LPA: variants seen among roughly 807,000 people sequenced by gnomAD.
LPA encodes the protein lipoprotein(a).
A neutral mutation model predicts 197.9 loss-of-function variants in LPA; 199 were observed. The observed-to-expected ratio is 1.01, with a 90% CI of 0.90 to 1.13. The LOEUF is 1.13. LPA is among the 50% of genes most tolerant of loss of function. LPA has a pLI of 0.00. For missense variants in LPA, 1,853 were observed against 1,785.8 expected (o/e 1.04, Z -0.68); for synonymous variants, 715 against 639.5 (o/e 1.12, Z -1.78).
chr6:160,603,618 G>C (rs1384729943), intron 18 of LPA, among the ~76,000 whole-genome samples: 1 of 152,068 alleles, frequency 6.6e-6, no homozygotes, highest in East Asian at 1.9e-4. Context: ...TGTATTGACT[G>C]ATTTTTCACC....
Position 160,601,082 on chromosome 6 carries a change from AGTT to A in LPA, c.2959_2961del (p.Asn987del), listed in dbSNP as rs1297527849. On this transcript the variant is annotated inframe_deletion, in exon 19 of 39. Coordinates refer to ENST00000316300, the MANE Select transcript of LPA (RefSeq NM_005577.4). ...GCCACAGGATCTGGATTTCGGCAGT[AGTT>A]CTTGATCAAGCCACTGGAAATTCCA... The A allele has an allele frequency of 1.2e-6, 2 of 1,614,122 alleles. No individual in the cohort carries two copies. The highest frequency in any genetic ancestry group is 3.3e-5 in the Admixed American group (2 of 60,032).
At chr6:160,578,848 C>T in intron 26 of LPA, 144 bp from the exon 27 acceptor site, 1 of 1,241,078 alleles carries the variant, frequency 8.1e-7, no homozygotes, top group South Asian at 1.3e-5. Flanking sequence ...GCCACAAGCA[C>T]AAATGGTCTT....
chr6:160,600,122 A>G (rs538764563), intron 19 of LPA, among the ~76,000 whole-genome samples: 1 of 152,202 alleles, frequency 6.6e-6, no homozygotes, highest in East Asian at 1.9e-4. Context: ...AAAAGAAAGC[A>G]TTAAACTCCT....
chr6:160,595,267 C>T (rs1043324587), intron 21 of LPA, 87 bp downstream of exon 21: 1 of 1,506,012 alleles, frequency 6.6e-7, no homozygotes, highest in South Asian at 1.1e-5. Flanking sequence ...ATTGTGTGAG[C>T]ATGGAAGGCT....
chr6:160,548,714 T>A (rs1288824671), intron 30 of LPA, 55 bp from the exon 31 acceptor site: 11 of 1,560,026 alleles, frequency 7.1e-6, no homozygotes, highest in Non-Finnish European at 9.7e-6. Flanking sequence ...TTCAGGGACA[T>A]CCAGCACCCT....
In LPA at chr6:160,542,878, C is replaced by T. The variant is rs1428212409; in HGVS notation, c.5399-70G>A. 2.2e-5 allele frequency: 35 copies of T among 1,603,092 alleles called. No homozygotes were observed. The South Asian group carries it at 2.4e-4, about 11-fold the overall frequency. ...AGCAATTGTGTCGTTTAATTCAGGA[C>T]GAATTCCAAGCACTAGTTTTTCACA... On this transcript the variant is annotated intron_variant, in intron 33 of 38. Transcript: ENST00000316300.
chr6:160,661,735 G>C (rs1475397382), intron 1 of LPA, among the ~76,000 whole-genome samples: 1 of 152,176 alleles, frequency 6.6e-6, no homozygotes, highest in African/African-American at 2.4e-5. Flanking sequence ...TTGAGAAATA[G>C]ATATTTTAGG....
At chr6:160,660,648 A>C (rs1444475916) in intron 1 of LPA, among the ~76,000 whole-genome samples, 1 of 152,192 alleles carries the variant, frequency 6.6e-6, no homozygotes, top group Non-Finnish European at 1.5e-5. Context: ...TCACTTTGAC[A>C]GTTGATAAGC....
intron 33 of LPA, among the ~76,000 whole-genome samples, chr6:160,543,470 C>A (rs1424044451): frequency 6.6e-6 from 1 of 152,066 alleles, no homozygotes; most frequent in Non-Finnish European, 1.5e-5. Context: ...ATAACAACTG[C>A]AAGAGGAAAT....
At chr6:160,549,418 C>T (rs1265394971) in intron 30 of LPA, among the ~76,000 whole-genome samples, 1 of 152,192 alleles carries the variant, frequency 6.6e-6, no homozygotes, top group Non-Finnish European at 1.5e-5. Flanking sequence ...GATTGTTATG[C>T]ATATACAAAT....
chr6:160,578,819 A>T, intron 26 of LPA, 115 bp from the exon 27 acceptor site: 8 of 1,433,188 alleles, frequency 5.6e-6, no homozygotes, highest in Non-Finnish European at 7.7e-6. Flanking sequence ...AAATATTCCC[A>T]TTATACCACA....
chr6:160,565,271 C>A (rs957576711), intron 28 of LPA, among the ~76,000 whole-genome samples: 2 of 152,150 alleles, frequency 1.3e-5, no homozygotes, highest in African/African-American at 4.8e-5. Flanking sequence ...GGGACACCTC[C>A]CAGTAGGGGC....
At chr6:160,579,243 C>T (rs1382259145) in intron 26 of LPA, among the ~76,000 whole-genome samples, 3 of 151,990 alleles carry the variant, frequency 2.0e-5, no homozygotes, top group Non-Finnish European at 2.9e-5. Flanking sequence ...AGCATAAATG[C>T]TCTACATTTG....
chr6:160,609,802 T>C (rs1390221376), intron 16 of LPA, among the ~76,000 whole-genome samples: 2 of 151,850 alleles, frequency 1.3e-5, no homozygotes, highest in Non-Finnish European at 2.9e-5. Context: ...CTTGTGAGTT[T>C]TTGCATGTGT....
chr6:160,606,085 C>G (rs940512478), intron 17 of LPA, among the ~76,000 whole-genome samples: 2 of 152,184 alleles, frequency 1.3e-5, no homozygotes, highest in African/African-American at 4.8e-5. Context: ...TTCTCTGAAT[C>G]TGCAATGCTG....
chr6:160,560,397 C>T (rs1778340912), intron 28 of LPA, among the ~76,000 whole-genome samples: 1 of 152,202 alleles, frequency 6.6e-6, no homozygotes, highest in Admixed American at 6.5e-5. Context: ...CTAATTTACA[C>T]TCCCACCAAC....
intron 1 of LPA, among the ~76,000 whole-genome samples, chr6:160,653,978 TATAA>T (rs376235473): frequency 0.35 from 11,301 of 32,298 alleles, 2,573 homozygotes; most frequent in Non-Finnish European, 0.42. Context: ...ATATATAATA[TATAA>T]TATATAATAT....
intron 37 of LPA, 42 bp downstream of exon 37, chr6:160,537,813 G>A (rs751529255): frequency 1.9e-6 from 3 of 1,567,846 alleles, no homozygotes; most frequent in Non-Finnish European, 2.6e-6. Flanking sequence ...TGCACTGAAG[G>A]TCAAAAACAA....
At chr6:160,544,945 G>A (rs1778041527) in intron 33 of LPA, among the ~76,000 whole-genome samples, 1 of 152,104 alleles carries the variant, frequency 6.6e-6, no homozygotes, top group Admixed American at 6.5e-5. Flanking sequence ...TTACGAGAAA[G>A]GCCATCTGGG....
Sources: gnomAD v4.1 joint callset for allele counts (sites outside exome capture counted in the v4.1 genomes callset) on GRCh38, gnomAD v4.1.1 for gene constraint, MANE v1.5 for transcripts, NCBI Gene and HGNC (gene_info 2026-07-23, HGNC 2026-07-21) for gene names.